MARCHF4: variants seen among roughly 807,000 people sequenced by gnomAD.
The protein encoded by MARCHF4 is E3 ubiquitin-protein ligase MARCHF4.
A neutral mutation model predicts 43.9 loss-of-function variants in MARCHF4; 14 were observed. The observed-to-expected ratio is 0.32, with a 90% CI of 0.21 to 0.50. MARCHF4 has a LOEUF of 0.50. MARCHF4 is among the 20% of genes least tolerant of loss of function. The pLI, the probability that MARCHF4 is intolerant of heterozygous loss-of-function variation, is 0.98. For missense variants in MARCHF4, 468 were observed against 536.7 expected, an observed-to-expected ratio of 0.87 and a Z score of 1.27; for synonymous variants, 226 against 213.3, an observed-to-expected ratio of 1.06 and a Z score of -0.52.
Position 216,260,368 on chromosome 2 carries a change from T to G in MARCHF4, c.866-689A>C, listed in dbSNP as rs577479822. ...AACAAACCAAAGTGACAATTTCAGG[T>G]GCTGACAATTGCCTTAAGGAAGATA... On this transcript the variant is annotated intron_variant, in intron 3 of 3. Transcript: ENST00000273067. Among the ~76,000 whole-genome samples the G allele has an allele frequency of 7.2e-5, 11 of 152,356 alleles. No homozygotes were observed. The South Asian group carries it at 2.1e-3, about 29-fold the overall frequency.
rs1290745448 is a variant in MARCHF4 at position 216,259,322 on chromosome 2, G to A, written c.1223C>T (p.Thr408Met). The change falls in exon 4 of 4, where the codon ACG becomes ATG. Residue 408 changes from threonine (T) to methionine (M), a missense_variant. Physicochemically the swap from Thr to Met is moderately conservative, Grantham distance 81. Coordinates refer to ENST00000273067, the MANE Select transcript of MARCHF4 (RefSeq NM_020814.3). The part of the protein sequence containing the change: ...GSSRELVMRV[T>M]TV ...TCCGGGCCTCTGCTCTCACACTGTC[G>A]TGACTCTCATGACCAGCTCTCGGCT... The A allele has an allele frequency of 3.2e-6, 5 of 1,548,326 alleles. No individual in the cohort carries two copies. Among genetic ancestry groups the A allele is most frequent in the African/African-American group, 1.4e-5 (1 of 73,192 alleles).
intron 1 of MARCHF4, among the ~76,000 whole-genome samples, chr2:216,354,085 C>T (rs1232936899): frequency 2.0e-5 from 3 of 152,176 alleles, no homozygotes; most frequent in Non-Finnish European, 4.4e-5. Flanking sequence ...TTCTAGGCTG[C>T]TATTACAGAA....
intron 1 of MARCHF4, among the ~76,000 whole-genome samples, chr2:216,294,493 T>C (rs1691359792): frequency 6.6e-6 from 1 of 152,256 alleles, no homozygotes; most frequent in Non-Finnish European, 1.5e-5. Flanking sequence ...CTTCTGTGTA[T>C]CACTGACTCT....
At chr2:216,365,210 C>A (rs1439372123) in intron 1 of MARCHF4, among the ~76,000 whole-genome samples, 1 of 152,258 alleles carries the variant, frequency 6.6e-6, no homozygotes, top group East Asian at 1.9e-4. Flanking sequence ...AAAGCCATAT[C>A]TTATTCACAA....
At chr2:216,327,034 AT>A (rs1473055840) in intron 1 of MARCHF4, among the ~76,000 whole-genome samples, 1 of 152,254 alleles carries the variant, frequency 6.6e-6, no homozygotes, top group Non-Finnish European at 1.5e-5. Flanking sequence ...TGAGGATAAA[AT>A]AATCCAATTA....
chr2:216,365,325 T>C (rs1270931481), intron 1 of MARCHF4, among the ~76,000 whole-genome samples: 2 of 152,224 alleles, frequency 1.3e-5, no homozygotes, highest in Non-Finnish European at 2.9e-5. Flanking sequence ...AGATTAAGCC[T>C]GCTAAACTTT....
At chr2:216,354,921 T>C (rs1227347484) in intron 1 of MARCHF4, among the ~76,000 whole-genome samples, 1 of 118,412 alleles carries the variant, frequency 8.4e-6, no homozygotes, top group Non-Finnish European at 1.7e-5. Context: ...CTTTCTTTCT[T>C]TCTTTCTTTC....
chr2:216,263,517 G>GAGAC, intron 3 of MARCHF4, among the ~76,000 whole-genome samples: 1 of 97,318 alleles, frequency 1.0e-5, no homozygotes, highest in South Asian at 3.0e-4. Flanking sequence ...GAGAGAGAGA[G>GAGAC]AGAGAGAGAG....
At chr2:216,297,119 C>T (rs55897700) in intron 1 of MARCHF4, among the ~76,000 whole-genome samples, 10,791 of 152,296 alleles carry the variant, frequency 0.071, 538 homozygotes, top group South Asian at 0.2. Context: ...GAATAGACTT[C>T]GGTCTGTTGA....
At chr2:216,302,891 C>T (rs1691513483) in intron 1 of MARCHF4, among the ~76,000 whole-genome samples, 3 of 111,544 alleles carry the variant, frequency 2.7e-5, no homozygotes, top group South Asian at 5.8e-4. Flanking sequence ...AGGTGAGACT[C>T]TGTATCAAAA....
intron 1 of MARCHF4, among the ~76,000 whole-genome samples, chr2:216,319,822 T>G (rs1263167846): frequency 6.6e-6 from 1 of 152,164 alleles, no homozygotes; most frequent in East Asian, 1.9e-4. Context: ...AGGACTGAGA[T>G]GCCAAACTTC....
chr2:216,364,608 T>C (rs528107602), intron 1 of MARCHF4, among the ~76,000 whole-genome samples: 3 of 152,340 alleles, frequency 2.0e-5, no homozygotes, highest in African/African-American at 7.2e-5. Context: ...CAGGACTCTC[T>C]TCTTTGGATC....
intron 1 of MARCHF4, among the ~76,000 whole-genome samples, chr2:216,290,954 C>T (rs536031073): frequency 5.9e-5 from 9 of 152,146 alleles, no homozygotes; most frequent in South Asian, 4.1e-4. Flanking sequence ...GGCGATGTCA[C>T]GTAAGTACTG....
chr2:216,260,715 C>G (rs1275346104), intron 3 of MARCHF4, among the ~76,000 whole-genome samples: 1 of 152,158 alleles, frequency 6.6e-6, no homozygotes, highest in East Asian at 1.9e-4. Flanking sequence ...GATTTGCATT[C>G]TATCCTGAGT....
intron 1 of MARCHF4, among the ~76,000 whole-genome samples, chr2:216,337,026 G>T (rs915107490): frequency 6.6e-6 from 1 of 151,612 alleles, no homozygotes; most frequent in Non-Finnish European, 1.5e-5. Context: ...GTAGTGCATG[G>T]CTGTAGTCCC....
chr2:216,362,663 C>T (rs1021485670), intron 1 of MARCHF4, among the ~76,000 whole-genome samples: 3 of 152,178 alleles, frequency 2.0e-5, no homozygotes, highest in African/African-American at 7.2e-5. Context: ...TGGATAGAAC[C>T]TATATTTGGA....
rs72960747 is a variant in MARCHF4 at position 216,264,012 on chromosome 2, C to T, written c.866-4333G>A. Among the ~76,000 whole-genome samples the T allele has an allele frequency of 1.4e-4, 21 of 152,164 alleles. No individual in the cohort carries two copies. In the South Asian group the frequency reaches 3.3e-3, roughly 24 times the overall value. ...GCTACTGAGGATCCAGGGGAGCAGC[C>T]GGCTTGGAGCAAACAGTAATGAGTC... On this transcript the variant is annotated intron_variant, in intron 3 of 3. Transcript: ENST00000273067.
chr2:216,282,365 C>A (rs1430851441), intron 2 of MARCHF4, among the ~76,000 whole-genome samples: 1 of 152,066 alleles, frequency 6.6e-6, no homozygotes, highest in Non-Finnish European at 1.5e-5. Flanking sequence ...ATAAAACACC[C>A]TGGACACCAT....
Position 216,302,828 on chromosome 2 carries a change from G to A in MARCHF4, c.517-19099C>T, listed in dbSNP as rs541521954. 1.5e-3 allele frequency among the ~76,000 whole-genome samples: 230 copies of A among 149,728 alleles called. 5 individuals are homozygous for A. Among genetic ancestry groups the A allele is most frequent in the Non-Finnish European group, 7.4e-5 (5 of 67,722 alleles). ...CAGGAGAATCGCTTGAACCTGGGAG[G>A]TGGAGGTTGCAGTGAGCCAAGATAG... On this transcript the variant is annotated intron_variant, in intron 1 of 3. Coordinates refer to ENST00000273067, the MANE Select transcript of MARCHF4 (RefSeq NM_020814.3).
Sources: gnomAD v4.1 joint callset for allele counts (sites outside exome capture counted in the v4.1 genomes callset) on GRCh38, gnomAD v4.1.1 for gene constraint, MANE v1.5 for transcripts, NCBI Gene and HGNC (gene_info 2026-07-23, HGNC 2026-07-21) for gene names.